The following MCUB variants were observed in gnomAD, a reference collection of about 807,000 sequenced individuals.
MCUB encodes the protein mitochondrial calcium uniporter dominant negative subunit beta, also known as calcium uniporter regulatory subunit MCUb, mitochondrial.
In MCUB, 46 loss-of-function variants were observed where a neutral mutation model predicts 41.4. The ratio of observed to expected loss-of-function variants is 1.11; its 90% CI spans 0.88 to 1.42. MCUB has a LOEUF of 1.42. Ranked by LOEUF, MCUB falls within the 40% of genes most tolerant of loss-of-function variation. MCUB has a pLI of 0.00. For missense variants in MCUB, 403 were observed against 404.9 expected (o/e 1.00, Z 0.04); for synonymous variants, 148 against 148.2 (o/e 1.00, Z 0.01).
Position 109,660,345 on chromosome 4 carries a change from C to T in MCUB, c.326C>T (p.Thr109Ile). ...DLQNEDKGIKTAAIFTADGNM... is the reference protein window; with the variant it reads ...DLQNEDKGIKIAAIFTADGNM... ...CAAAATGAAGATAAGGGTATCAAAA[C>T]TGCAGCCATCTTCACAGCAGGTATA... The change falls in exon 3 of 8, where the codon ACT (threonine) becomes ATT (isoleucine). Residue 109 changes from threonine to isoleucine, a missense_variant. Thr to Ile is a moderately conservative substitution (Grantham distance 89, BLOSUM62 -1). Coordinates refer to ENST00000394650, the MANE Select transcript of MCUB (RefSeq NM_017918.5). 1.2e-6 allele frequency: 2 copies of T among 1,603,910 alleles called. No individual in the cohort carries two copies. Among genetic ancestry groups the T allele is most frequent in the Non-Finnish European group, 1.7e-6 (2 of 1,171,636 alleles).
intron 4 of MCUB, among the ~76,000 whole-genome samples, chr4:109,678,781 CG>C (rs1729642519): frequency 1.6e-5 from 2 of 127,974 alleles, no homozygotes; most frequent in African/African-American, 6.1e-5. Context: ...ACTTCCCAGA[CG>C]ATGGGTGGCC....
intron 1 of MCUB, among the ~76,000 whole-genome samples, chr4:109,624,289 G>A (rs1442175660): frequency 6.6e-6 from 1 of 152,196 alleles, no homozygotes; most frequent in African/African-American, 2.4e-5. Flanking sequence ...CACAATAGCT[G>A]CATTCAAAGC....
intron 1 of MCUB, among the ~76,000 whole-genome samples, chr4:109,650,852 C>A (rs1401060480): frequency 6.6e-6 from 1 of 152,168 alleles, no homozygotes; most frequent in East Asian, 1.9e-4. Context: ...TGATTTGACT[C>A]TTTTAAAGAT....
At chr4:109,598,617 C>T (rs984516014) in intron 1 of MCUB, among the ~76,000 whole-genome samples, 8 of 151,502 alleles carry the variant, frequency 5.3e-5, no homozygotes, top group African/African-American at 1.5e-4. Flanking sequence ...GGTGGGGAGA[C>T]GGGAGAGGGA....
rs71595506 is a variant in MCUB at position 109,677,802 on chromosome 4, ATTTTTTTTTT to A, written c.452-4762_452-4753del. On this transcript the variant is annotated intron_variant, in intron 4 of 7. Transcript: ENST00000394650. Reference sequence around the variant, plus strand: ...ATTTCTGTTCCTTATAAGGAAACAAATTTTTTTTTTTTTTTTTTTTTTTTTTTAGTTTTTA... The same window carrying A: ...ATTTCTGTTCCTTATAAGGAAACAAATTTTTTTTTTTTTTTTTAGTTTTTA... 1.5e-4 allele frequency among the ~76,000 whole-genome samples: 13 copies of A among 86,606 alleles called. 1 individual carries two copies. Among genetic ancestry groups the A allele is most frequent in the African/African-American group, 4.7e-4 (10 of 21,232 alleles). 56.8% of individuals were successfully genotyped at this position (86,606 alleles called of 152,430 possible).
At chr4:109,582,853 G>A (rs999979244) in intron 1 of MCUB, among the ~76,000 whole-genome samples, 2 of 152,116 alleles carry the variant, frequency 1.3e-5, no homozygotes, top group Non-Finnish European at 2.9e-5. Context: ...GTTTTTGTCA[G>A]GTTTGTCAAA....
At chr4:109,652,525 T>TCGCA (rs1200890262) in intron 1 of MCUB, among the ~76,000 whole-genome samples, 1 of 152,044 alleles carries the variant, frequency 6.6e-6, no homozygotes, top group Non-Finnish European at 1.5e-5. Flanking sequence ...GATTGAGAGG[T>TCGCA]CGCATCTGGT....
At chr4:109,678,798 G>A (rs1045179955) in intron 4 of MCUB, among the ~76,000 whole-genome samples, 1 of 149,296 alleles carries the variant, frequency 6.7e-6, no homozygotes, top group African/African-American at 2.5e-5. Context: ...TGGCCGGGCA[G>A]AGGCGCTCCT....
chr4:109,626,385 T>C (rs1728359519), intron 1 of MCUB, among the ~76,000 whole-genome samples: 1 of 152,190 alleles, frequency 6.6e-6, no homozygotes, highest in South Asian at 2.1e-4. Context: ...TACTCAAAAA[T>C]TTAATATTCA....
chr4:109,652,719 G>C (rs1038254155), intron 1 of MCUB, among the ~76,000 whole-genome samples: 1 of 152,096 alleles, frequency 6.6e-6, no homozygotes, highest in African/African-American at 2.4e-5. Context: ...CGTTGCATTG[G>C]GCATTAGGTT....
In MCUB at chr4:109,568,316, A is replaced by G. The variant is rs192956772; in HGVS notation, c.99+7880A>G. ...GGTTTGTTATTATTGAAACAAAGGT[A>G]AGCAGGTAAGCAAGCCTTAAAACAT... is the stretch of plus-strand genomic sequence containing the variant. On this transcript the variant is annotated intron_variant, in intron 1 of 7. Coordinates refer to ENST00000394650, the MANE Select transcript of MCUB (RefSeq NM_017918.5). Among the ~76,000 whole-genome samples the G allele has an allele frequency of 3.3e-5, 5 of 152,302 alleles. No homozygotes were observed. The East Asian group carries it at 9.7e-4, about 29-fold the overall frequency.
chr4:109,632,662 C>T (rs1356734087), intron 1 of MCUB, among the ~76,000 whole-genome samples: 1 of 142,134 alleles, frequency 7.0e-6, no homozygotes. Context: ...GTTGCCCAGG[C>T]TGGAGTGCAA....
intron 1 of MCUB, among the ~76,000 whole-genome samples, chr4:109,572,266 G>A (rs1194784053): frequency 6.6e-6 from 1 of 152,208 alleles, no homozygotes; most frequent in Non-Finnish European, 1.5e-5. Context: ...CATTATAATG[G>A]TTAAATTAGA....
intron 4 of MCUB, among the ~76,000 whole-genome samples, chr4:109,678,194 T>C (rs536641954): frequency 6.6e-6 from 1 of 152,246 alleles, no homozygotes; most frequent in Admixed American, 6.5e-5. Context: ...CAGAACAAAA[T>C]GGAGTCTCCT....
chr4:109,645,122 T>C (rs568288399), intron 1 of MCUB, among the ~76,000 whole-genome samples: 9 of 152,278 alleles, frequency 5.9e-5, no homozygotes, highest in Admixed American at 2.0e-4. Context: ...TCTTTCTTAT[T>C]CCTCTATAGA....
intron 4 of MCUB, among the ~76,000 whole-genome samples, chr4:109,670,007 A>G (rs548374812): frequency 2.0e-5 from 3 of 152,180 alleles, no homozygotes; most frequent in African/African-American, 4.8e-5. Flanking sequence ...TGTTCCTGCC[A>G]TGTCTGGCTC....
chr4:109,667,202 A>G (rs1417594509), intron 4 of MCUB, among the ~76,000 whole-genome samples: 1 of 152,148 alleles, frequency 6.6e-6, no homozygotes, highest in African/African-American at 2.4e-5. Flanking sequence ...ATTCACCAAG[A>G]AAATCCATCT....
intron 3 of MCUB, among the ~76,000 whole-genome samples, chr4:109,661,894 G>T (rs1050148003): frequency 6.6e-6 from 1 of 152,164 alleles, no homozygotes; most frequent in Non-Finnish European, 1.5e-5. Flanking sequence ...TTAGCCAGGT[G>T]TAGTGTTGCA....
intron 1 of MCUB, among the ~76,000 whole-genome samples, chr4:109,564,979 T>C (rs534838383): frequency 1.2e-4 from 18 of 152,306 alleles, no homozygotes; most frequent in South Asian, 6.2e-4. Context: ...GCACCTTCGA[T>C]GGGCAAAGCA....
Sources: gnomAD v4.1 joint callset for allele counts (sites outside exome capture counted in the v4.1 genomes callset) on GRCh38, gnomAD v4.1.1 for gene constraint, MANE v1.5 for transcripts, NCBI Gene and HGNC (gene_info 2026-07-23, HGNC 2026-07-21) for gene names.